The following CSMD1 variants were observed in gnomAD, a reference collection of about 807,000 sequenced individuals.
CSMD1 encodes the protein CUB and Sushi multiple domains 1.
In CSMD1, 213 loss-of-function variants were observed where a neutral mutation model predicts 417.5. That is an observed-to-expected ratio of 0.51 (90% confidence interval 0.46 to 0.57). The LOEUF is 0.57. CSMD1 is among the 20% of genes least tolerant of loss of function. CSMD1 has a pLI of 0.00. For synonymous variants in CSMD1, 2,862 were observed against 1,736.8 expected (o/e 1.65, Z -16.11); for missense variants, 6,923 against 4,529.7 (o/e 1.53, Z -15.17).
chr8:4,225,707 A>T (rs1801308259), intron 3 of CSMD1, among the ~76,000 whole-genome samples: 1 of 152,136 alleles, frequency 6.6e-6, no homozygotes, highest in South Asian at 2.1e-4. Context: ...CAAGGATGTT[A>T]TCCTGACAAA....
At chr8:4,638,235 TTGG>T (rs1263284414) in intron 1 of CSMD1, among the ~76,000 whole-genome samples, 1 of 152,144 alleles carries the variant, frequency 6.6e-6, no homozygotes, top group Non-Finnish European at 1.5e-5. Flanking sequence ...AAATTCTTTG[TTGG>T]TGGAAACTAA....
At chr8:3,899,047 C>A (rs531139759) in intron 5 of CSMD1, among the ~76,000 whole-genome samples, 1 of 152,096 alleles carries the variant, frequency 6.6e-6, no homozygotes, top group Non-Finnish European at 1.5e-5. Flanking sequence ...GAAAAGAAAA[C>A]AATTGAGGTC....
chr8:4,163,244 A>G (rs1249980518), intron 3 of CSMD1, among the ~76,000 whole-genome samples: 2 of 152,156 alleles, frequency 1.3e-5, no homozygotes, highest in African/African-American at 4.8e-5. Context: ...CTTCAGATAA[A>G]TAACAAGGAG....
rs558323615 is a variant in CSMD1, at chr8:4,719,322, C to T, written c.86-81764G>A. The stretch of plus-strand genomic sequence containing the variant: ...AAGCCTAATAAGAAATAAGGGTTTT[C>T]TAATCTATTTCCTTCTCTCTCACGT... On this transcript the variant is annotated intron_variant, in intron 1 of 69. Coordinates refer to ENST00000635120, the MANE Select transcript of CSMD1 (RefSeq NM_033225.6). Among the ~76,000 whole-genome samples the T allele has an allele frequency of 1.7e-3, 261 of 152,126 alleles. 1 individual carries two copies. Among genetic ancestry groups the T allele is most frequent in the African/African-American group, 6.0e-3 (247 of 41,496 alleles).
chr8:4,081,812 A>G (rs1041577852), intron 3 of CSMD1, among the ~76,000 whole-genome samples: 2 of 151,412 alleles, frequency 1.3e-5, no homozygotes, highest in African/African-American at 4.8e-5. Context: ...GGATCAAATA[A>G]ATTGTTACAA....
chr8:4,048,948 A>G (rs1395459796), intron 3 of CSMD1, among the ~76,000 whole-genome samples: 3 of 152,150 alleles, frequency 2.0e-5, no homozygotes, highest in Non-Finnish European at 2.9e-5. Context: ...TATTTCTACT[A>G]TAAATCTATC....
chr8:4,433,392 A>C (rs1435196848), intron 2 of CSMD1, among the ~76,000 whole-genome samples: 1 of 152,132 alleles, frequency 6.6e-6, no homozygotes, highest in Non-Finnish European at 1.5e-5. Flanking sequence ...TCATTACATA[A>C]ATTTCTACTA....
intron 5 of CSMD1, among the ~76,000 whole-genome samples, chr8:3,851,381 G>A (rs567510028): frequency 6.6e-6 from 1 of 152,160 alleles, no homozygotes; most frequent in African/African-American, 2.4e-5. Context: ...AACCACTTTT[G>A]TTATCTCTTT....
rs1416129574 is a variant in CSMD1, at chr8:3,795,318, C to CAGATATAGATATCTATCATGT, written c.819-41297_819-41277dup. 4.1e-5 allele frequency among the ~76,000 whole-genome samples: 2 copies of CAGATATAGATATCTATCATGT among 49,098 alleles called. 1 individual carries two copies. The highest frequency in any genetic ancestry group is 7.5e-5 in the Non-Finnish European group (2 of 26,552). 32.2% of individuals were successfully genotyped at this position (49,098 alleles called of 152,430 possible). A position where few individuals can be genotyped will look rare whatever the true frequency, so the allele number is the denominator to read the frequency against. On this transcript the variant is annotated intron_variant, in intron 5 of 69. Transcript: ENST00000635120. The stretch of plus-strand genomic sequence containing the variant: ...TACAGATATATATATCTATCATGTA[C>CAGATATAGATATCTATCATGT]AGATATAGATATCTATCATGTAGAT...
chr8:4,354,260 G>C (rs976162930), intron 3 of CSMD1, among the ~76,000 whole-genome samples: 1 of 152,120 alleles, frequency 6.6e-6, no homozygotes, highest in Non-Finnish European at 1.5e-5. Context: ...GTAGATCACG[G>C]TGTTATTTTA....
intron 1 of CSMD1, among the ~76,000 whole-genome samples, chr8:4,699,227 C>T (rs1807353722): frequency 6.6e-6 from 1 of 152,158 alleles, no homozygotes. Context: ...TTTTCCTTTG[C>T]TTAAAGGATA....
intron 17 of CSMD1, among the ~76,000 whole-genome samples, chr8:3,394,129 G>A (rs1260920753): frequency 7.0e-6 from 1 of 142,568 alleles, no homozygotes; most frequent in African/African-American, 2.5e-5. Flanking sequence ...GCCTTACGAA[G>A]CCTGCCCTCT....
intron 3 of CSMD1, among the ~76,000 whole-genome samples, chr8:4,367,275 G>C (rs1237929640): frequency 6.6e-6 from 1 of 152,014 alleles, no homozygotes; most frequent in Non-Finnish European, 1.5e-5. Context: ...CAGACTGCAT[G>C]AGTCTAGACA....
At chr8:3,888,235 A>C (rs1806697515) in intron 5 of CSMD1, among the ~76,000 whole-genome samples, 1 of 152,180 alleles carries the variant, frequency 6.6e-6, no homozygotes, top group Non-Finnish European at 1.5e-5. Context: ...TTAGAGGAAT[A>C]AGCAAAATGT....
In CSMD1 at chr8:3,199,738, G is replaced by C. The variant is rs1393838043; in HGVS notation, c.5170C>G (p.Arg1724Gly). Residue 1724 changes from arginine (R) to glycine (G), a missense_variant, in exon 33 of 70, where the codon CGC becomes GGC. By Grantham distance (125) the Arg-to-Gly change is moderately radical. Coordinates refer to ENST00000635120, the MANE Select transcript of CSMD1 (RefSeq NM_033225.6). ...RFSAKSGASARGFHFVYQAVP... is the reference protein window; with the variant it reads ...RFSAKSGASAGGFHFVYQAVP... Reference sequence around the variant, plus strand: ...CCTTGATACACGAAGTGGAAGCCGCGGGCAGAGGCACCGCTCTTTGCACTG... The same window carrying C: ...CCTTGATACACGAAGTGGAAGCCGCCGGCAGAGGCACCGCTCTTTGCACTG... 4 of 1,588,346 alleles carry C rather than the reference G, an allele frequency of 2.5e-6. No homozygotes were observed. The highest frequency in any genetic ancestry group is 3.4e-6 in the Non-Finnish European group (4 of 1,166,938).
At chr8:3,504,047 T>C (rs1370084609) in intron 10 of CSMD1, among the ~76,000 whole-genome samples, 1 of 152,082 alleles carries the variant, frequency 6.6e-6, no homozygotes, top group South Asian at 2.1e-4. Context: ...GTGACTGTCA[T>C]GAACAACAAT....
intron 63 of CSMD1, among the ~76,000 whole-genome samples, chr8:2,956,339 G>A (rs1803006684): frequency 6.6e-6 from 1 of 151,938 alleles, no homozygotes; most frequent in Non-Finnish European, 1.5e-5. Flanking sequence ...AGACTGTGAT[G>A]TATACTCTAT....
chr8:4,978,869 C>A (rs541992765), intron 1 of CSMD1, among the ~76,000 whole-genome samples: 1 of 138,018 alleles, frequency 7.2e-6, no homozygotes, highest in South Asian at 2.3e-4. Flanking sequence ...ACCCAGGAGG[C>A]GGAGGTTGCA....
chr8:3,743,709 T>C (rs532116994), intron 6 of CSMD1, among the ~76,000 whole-genome samples: 4 of 152,268 alleles, frequency 2.6e-5, no homozygotes, highest in Admixed American at 1.3e-4. Flanking sequence ...AAGACATTCC[T>C]AGTGAGCTGC....
Sources: allele counts gnomAD v4.1 joint callset (sites outside exome capture counted in the v4.1 genomes callset), GRCh38; gene constraint gnomAD v4.1.1; transcripts MANE v1.5; gene names NCBI Gene and HGNC (gene_info 2026-07-23, HGNC 2026-07-21).